Variants in SDK1 observed in about 807,000 individuals in gnomAD.
SDK1 encodes sidekick cell adhesion molecule 1.
In SDK1, 157 loss-of-function variants were observed where a neutral mutation model predicts 245.5. The ratio of observed to expected loss-of-function variants is 0.64; its 90% CI spans 0.56 to 0.73. SDK1 has a LOEUF of 0.73. Among genes scored for constraint, SDK1 ranks in the 30% least tolerant of loss-of-function variants. The pLI is 0.00. For missense variants in SDK1, 3,583 were observed against 3,002.3 expected (o/e 1.19, Z -4.52); for synonymous variants, 1,647 against 1,278.5 (o/e 1.29, Z -6.15).
chr7:3,593,192 G>T (rs1293102185), intron 1 of SDK1, among the ~76,000 whole-genome samples: 1 of 152,192 alleles, frequency 6.6e-6, no homozygotes, highest in Non-Finnish European at 1.5e-5. Flanking sequence ...CTTTAAGAAC[G>T]TATTTATGCA....
At chr7:3,555,174 T>G (rs1014712785) in intron 1 of SDK1, among the ~76,000 whole-genome samples, 3 of 152,192 alleles carry the variant, frequency 2.0e-5, no homozygotes, top group African/African-American at 7.2e-5. Context: ...TTTACATGAC[T>G]TGAAGTTATA....
At chr7:3,852,021 A>G (rs903255454) in intron 5 of SDK1, among the ~76,000 whole-genome samples, 2 of 152,162 alleles carry the variant, frequency 1.3e-5, no homozygotes, top group Non-Finnish European at 2.9e-5. Context: ...TGTTGAGTTA[A>G]TCTTGGTGAA....
intron 28 of SDK1, among the ~76,000 whole-genome samples, chr7:4,143,926 G>A (rs554345646): frequency 2.0e-5 from 3 of 152,358 alleles, no homozygotes; most frequent in South Asian, 4.1e-4. Context: ...GTCCCTGGAT[G>A]TGCCTAGCAG....
intron 1 of SDK1, among the ~76,000 whole-genome samples, chr7:3,403,862 T>TATATATA (rs1168563028): frequency 8.5e-6 from 1 of 117,126 alleles, no homozygotes; most frequent in Non-Finnish European, 1.7e-5. Context: ...TATATATATA[T>TATATATA]ATATATAATA....
intron 4 of SDK1, among the ~76,000 whole-genome samples, chr7:3,644,507 G>A (rs11979907): frequency 0.37 from 55,636 of 150,774 alleles, 11,484 homozygotes; most frequent in African/African-American, 0.56. Flanking sequence ...GCTTGTTCCT[G>A]TAATCTCGGC....
intron 4 of SDK1, among the ~76,000 whole-genome samples, chr7:3,668,369 C>G (rs1231941439): frequency 1.3e-5 from 2 of 152,152 alleles, no homozygotes; most frequent in African/African-American, 4.8e-5. Flanking sequence ...AGTTAATGAC[C>G]AGAGACCCCA....
At chr7:3,903,660 A>G (rs59347308) in intron 5 of SDK1, among the ~76,000 whole-genome samples, 5,450 of 152,240 alleles carry the variant, frequency 0.036, 360 homozygotes, top group African/African-American at 0.13. Context: ...GTTCACTCAA[A>G]AAATGGTACA....
At chr7:3,836,749 C>T (rs1780036653) in intron 5 of SDK1, among the ~76,000 whole-genome samples, 1 of 152,164 alleles carries the variant, frequency 6.6e-6, no homozygotes, top group South Asian at 2.1e-4. Context: ...GAGTATTTTC[C>T]CAAAACAAAG....
intron 1 of SDK1, among the ~76,000 whole-genome samples, chr7:3,611,625 T>C (rs961479931): frequency 6.6e-6 from 1 of 152,192 alleles, no homozygotes; most frequent in Non-Finnish European, 1.5e-5. Flanking sequence ...ATCTTCACAC[T>C]GTTTTCCATA....
At chr7:4,232,492 C>G (rs144336897) in intron 40 of SDK1, among the ~76,000 whole-genome samples, 74 of 138,984 alleles carry the variant, frequency 5.3e-4, no homozygotes, top group African/African-American at 2.0e-3. Context: ...GAGTCTCACT[C>G]TGTTACCCAG....
intron 1 of SDK1, among the ~76,000 whole-genome samples, chr7:3,512,677 A>G (rs992706414): frequency 8.5e-5 from 13 of 152,198 alleles, no homozygotes; most frequent in African/African-American, 2.7e-4. Flanking sequence ...TGAAGTATCT[A>G]TTAAGGTCTT....
chr7:3,483,310 G>T (rs1185707509), intron 1 of SDK1, among the ~76,000 whole-genome samples: 2 of 152,132 alleles, frequency 1.3e-5, no homozygotes, highest in East Asian at 3.9e-4. Flanking sequence ...TAAAGATCTT[G>T]CCACCTTTTT....
chr7:4,147,872 A>T (rs1780082982), intron 29 of SDK1, among the ~76,000 whole-genome samples: 1 of 152,058 alleles, frequency 6.6e-6, no homozygotes, highest in African/African-American at 2.4e-5. Context: ...TTAAACATTG[A>T]CTGTGCCCCT....
chr7:3,968,861 C>G (rs1782269351), intron 10 of SDK1, among the ~76,000 whole-genome samples: 2 of 152,198 alleles, frequency 1.3e-5, no homozygotes, highest in South Asian at 2.1e-4. Context: ...ATACCTGAGA[C>G]TGGGCAATTT....
intron 4 of SDK1, among the ~76,000 whole-genome samples, chr7:3,765,936 C>T (rs1381569439): frequency 6.6e-6 from 1 of 152,068 alleles, no homozygotes; most frequent in East Asian, 1.9e-4. Context: ...GTATTTATTC[C>T]CTTCTGATGT....
intron 1 of SDK1, among the ~76,000 whole-genome samples, chr7:3,318,546 C>G (rs184854189): frequency 8.1e-4 from 123 of 152,330 alleles, no homozygotes; most frequent in African/African-American, 2.8e-3. Context: ...TCCTTCTCAA[C>G]TGAAATACAC....
chr7:4,001,066 G>T (rs113510130), intron 14 of SDK1, among the ~76,000 whole-genome samples: 131 of 152,266 alleles, frequency 8.6e-4, no homozygotes, highest in Middle Eastern at 3.4e-3. Flanking sequence ...CTCACCTTCT[G>T]GAATCCTCTG....
chr7:4,205,986 G>C lies in SDK1; in HGVS notation c.5206G>C (p.Gly1736Arg). ...PPESQNGNIQ[G>R]YKIYYWEADS... ...GGAGAGCCAGAATGGGAACATCCAA[G>C]GCTACAAGGCAAGGCCCTCCCGTGC... is the stretch of plus-strand genomic sequence containing the variant. Residue 1736 changes from glycine (G) to arginine (R), a missense_variant, in exon 36 of 45, where the codon GGC (glycine) becomes CGC (arginine). By Grantham distance (125) the Gly-to-Arg change is moderately radical. Coordinates refer to ENST00000404826, the MANE Select transcript of SDK1 (RefSeq NM_152744.4). 1 of 1,544,700 alleles carries C rather than the reference G, an allele frequency of 6.5e-7. No individual in the cohort carries two copies. The highest frequency in any genetic ancestry group is 8.7e-7 in the Non-Finnish European group (1 of 1,143,676).
intron 22 of SDK1, among the ~76,000 whole-genome samples, chr7:4,107,239 G>C (rs1474824440): frequency 6.6e-6 from 1 of 151,406 alleles, no homozygotes; most frequent in East Asian, 1.9e-4. Flanking sequence ...AGTGCAGCTT[G>C]GGGTCTTGAG....
Sources: gnomAD v4.1 joint callset for allele counts (sites outside exome capture counted in the v4.1 genomes callset) on GRCh38, gnomAD v4.1.1 for gene constraint, MANE v1.5 for transcripts, NCBI Gene and HGNC (gene_info 2026-07-23, HGNC 2026-07-21) for gene names.